Variants in LAMB2 observed in about 807,000 individuals in gnomAD.
The protein encoded by LAMB2 is laminin subunit beta-2.
A neutral mutation model predicts 202.7 loss-of-function variants in LAMB2; 119 were observed. The observed-to-expected ratio is 0.59, with a 90% confidence interval of 0.51 to 0.68. The LOEUF is 0.68. LAMB2 is among the 30% of genes least tolerant of loss of function. LAMB2 has a pLI of 0.00. For synonymous variants in LAMB2, 818 were observed against 902.2 expected (o/e 0.91, Z 1.67); for missense variants, 2,124 against 2,410.6 (o/e 0.88, Z 2.49).
Position 49,130,525 on chromosome 3 carries a change from G to A in LAMB2, c.1037-106C>T. ...TATCACAGGCCAGAATTTGTGGGTAGGGGCTCAGGGACTTCAAGGCCTCAG... is the reference window on the plus strand; with the variant it reads ...TATCACAGGCCAGAATTTGTGGGTAAGGGCTCAGGGACTTCAAGGCCTCAG... On this transcript the variant is annotated intron_variant, in intron 8 of 31. Transcript: ENST00000305544. The surrounding 1 kb of genome is among the most constrained non-coding windows in gnomAD (Gnocchi z 5.0). 2 of 1,433,322 alleles carry A rather than the reference G, an allele frequency of 1.4e-6. No homozygotes were observed. The highest frequency in any genetic ancestry group is 2.0e-6 in the Non-Finnish European group (2 of 1,022,128). 88.8% of individuals were successfully genotyped at this position (1,433,322 alleles called of 1,614,324 possible).
intron 15 of LAMB2, among the ~76,000 whole-genome samples, 174 bp downstream of exon 15, chr3:49,128,284 C>A (rs1479834084): frequency 1.3e-5 from 2 of 152,230 alleles, no homozygotes; most frequent in African/African-American, 4.8e-5. Context: ...GATCTGTCTA[C>A]TTCCTTTCTG....
At position 49,128,726 on chromosome 3, in the gene LAMB2, C is replaced by G. The variant is rs888403715; in HGVS notation, c.1825G>C (p.Glu609Gln). 1.2e-6 allele frequency: 2 copies of G among 1,614,152 alleles called. No individual in the cohort carries two copies. The highest frequency in any genetic ancestry group is 1.7e-6 in the Non-Finnish European group (2 of 1,180,034). ...FVRLQEGQTL[E>Q]FLVASVPKAM... Reference sequence around the variant, plus strand: ...TTCGGCACAGAGGCCACCAGGAACTCCAGGGTCTGACCTTCCTGTAGCCGC... The same window carrying G: ...TTCGGCACAGAGGCCACCAGGAACTGCAGGGTCTGACCTTCCTGTAGCCGC... Residue 609 changes from glutamate (E) to glutamine (Q), a missense_variant, in exon 14 of 32, where the codon GAG becomes CAG. Glu to Gln is a conservative substitution (Grantham distance 29, BLOSUM62 2). Transcript: ENST00000305544.
At position 49,121,681 on chromosome 3, in the gene LAMB2, C is replaced by T. The variant is rs757083445; in HGVS notation, c.5100+3G>A. The T allele has an allele frequency of 1.2e-6, 2 of 1,614,128 alleles. No individual in the cohort carries two copies. Among genetic ancestry groups the T allele is most frequent in the Non-Finnish European group, 1.7e-6 (2 of 1,180,052 alleles). On this transcript the variant is annotated splice_donor_region_variant and intron_variant, in intron 30 of 31. Transcript: ENST00000305544. Reference sequence around the variant, plus strand: ...TTCTCCAGCTGGCTCTGCCTCAACCCACCTGCTCAGCCTCCTGGGCACGAC... The same window carrying T: ...TTCTCCAGCTGGCTCTGCCTCAACCTACCTGCTCAGCCTCCTGGGCACGAC...
At position 49,122,335 on chromosome 3, in the gene LAMB2, C is replaced by G; in HGVS notation, c.4609G>C (p.Ala1537Pro). The G allele has an allele frequency of 6.2e-7, 1 of 1,613,444 alleles. No individual in the cohort carries two copies. Among genetic ancestry groups the G allele is most frequent in the Non-Finnish European group, 8.5e-7 (1 of 1,180,000 alleles). Residue 1537 changes from alanine (A) to proline (P), a missense_variant, in exon 28 of 32, where the codon GCC becomes CCC. Physicochemically the swap from Ala to Pro is conservative, Grantham distance 27. This residue lies in a region of LAMB2 where 1,702 missense variants were observed against 1,896.3 expected (regional missense o/e 0.90). Transcript: ENST00000305544. Reference protein sequence around the residue: ...GADPDSIEMVATRVLELSIPA... With the variant: ...GADPDSIEMVPTRVLELSIPA... ...ATGGAGAGCTCTAGCACCCGTGTGG[C>G]CACCATTTCAATGCTATCAGGATCA... is the stretch of plus-strand genomic sequence containing the variant.
Position 49,128,787 on chromosome 3 carries a change from G to T in LAMB2, c.1764C>A (p.Pro588=). 1 of 1,613,754 alleles carries T rather than the reference G, an allele frequency of 6.2e-7. No individual in the cohort carries two copies. Among genetic ancestry groups the T allele is most frequent in the Non-Finnish European group, 8.5e-7 (1 of 1,179,770 alleles). The change falls in exon 14 of 32, where the codon CCC becomes CCA. Residue 588 remains proline, a synonymous_variant. Coordinates refer to ENST00000305544, the MANE Select transcript of LAMB2 (RefSeq NM_002292.4). ...VLDVVERLVT[P]GETPSWTGSG... ...AGCCAGTCCAGGATGGAGTTTCCCC[G>T]GGGGTCACCAGGCGCTCCACCACAT...
chr3:49,131,186 C>G lies in LAMB2; in HGVS notation c.713-34G>C. 1 of 1,599,738 alleles carries G rather than the reference C, an allele frequency of 6.3e-7. No individual in the cohort carries two copies. Among genetic ancestry groups the G allele is most frequent in the East Asian group, 2.2e-5 (1 of 44,792 alleles). ...GGGGAAGGGGGGCCAACTGACCAGG[C>G]AGGCCCTTGCTGCCCCATGTCCACC... On this transcript the variant is annotated intron_variant, in intron 6 of 31. Transcript: ENST00000305544. The surrounding 1 kb of genome is among the most constrained non-coding windows in gnomAD (Gnocchi z 5.0).
chr3:49,122,971 G>T lies in LAMB2; in HGVS notation c.4306C>A (p.Arg1436Ser). 1 of 1,608,786 alleles carries T rather than the reference G, an allele frequency of 6.2e-7. No homozygotes were observed. ...AGCRDEDGQP[R>S]CGGLSCNGAA... ...CCATTGCAGCTGAGGCCCCCACAGC[G>T]CGGCTGCCCATCCTCATCTCGACAG... The change falls in exon 27 of 32, where the codon CGC (arginine) becomes AGC (serine). Residue 1436 changes from arginine (R) to serine (S), a missense_variant. This residue lies in a region of LAMB2 where 1,702 missense variants were observed against 1,896.3 expected (regional missense o/e 0.90). Transcript: ENST00000305544.
chr3:49,123,519 T>G lies in LAMB2; in HGVS notation c.3910A>C (p.Arg1304=). 6.2e-7 allele frequency: 1 copy of G among 1,614,216 alleles called. No individual in the cohort carries two copies. The change falls in exon 25 of 32, where the codon AGG becomes CGG. Residue 1304 remains arginine (R), a synonymous_variant. Coordinates refer to ENST00000305544, the MANE Select transcript of LAMB2 (RefSeq NM_002292.4). ...CGCAGTGTGAGATTAAGTGCAAGCC[T>G]ATCTCGCTCCAGACCACTTAGTGCA... The part of the protein sequence containing the change: ...NHALSGLERD[R]LALNLTLRQL...
chr3:49,131,198 G>A lies in LAMB2; in HGVS notation c.713-46C>T, dbSNP rs755630013. On this transcript the variant is annotated intron_variant, in intron 6 of 31. Coordinates refer to ENST00000305544, the MANE Select transcript of LAMB2 (RefSeq NM_002292.4). This position sits in a 1 kb window ranked among gnomAD's most constrained non-coding sequence, Gnocchi z 5.0. Reference sequence around the variant, plus strand: ...CCAACTGACCAGGCAGGCCCTTGCTGCCCCATGTCCACCCAGGGGCTCAGC... The same window carrying A: ...CCAACTGACCAGGCAGGCCCTTGCTACCCCATGTCCACCCAGGGGCTCAGC... The A allele has an allele frequency of 1.9e-6, 3 of 1,583,120 alleles. No homozygotes were observed. In the Admixed American group the frequency reaches 5.0e-5, roughly 27 times the overall value.
intron 15 of LAMB2, among the ~76,000 whole-genome samples, chr3:49,128,011 T>A (rs1205299982): frequency 1.6e-4 from 16 of 100,394 alleles, no homozygotes; most frequent in Admixed American, 6.3e-4. Context: ...AGAGCGAGAC[T>A]CCGTCTCAAA....
In LAMB2 at chr3:49,131,494, A is replaced by G; in HGVS notation, c.648+41T>C. 6.2e-7 allele frequency: 1 copy of G among 1,613,876 alleles called. No homozygotes were observed. Among genetic ancestry groups the G allele is most frequent in the Non-Finnish European group, 8.5e-7 (1 of 1,179,862 alleles). On this transcript the variant is annotated intron_variant, in intron 5 of 31. Coordinates refer to ENST00000305544, the MANE Select transcript of LAMB2 (RefSeq NM_002292.4). This position sits in a 1 kb window ranked among gnomAD's most constrained non-coding sequence, Gnocchi z 5.0. The stretch of plus-strand genomic sequence containing the variant: ...CACTGGACCTTGCCTCAGGCCCATC[A>G]TCCCCAGCTTCCAGCCCCCAGCCCA...
Position 49,129,409 on chromosome 3 carries a change from G to A in LAMB2, c.1519-85C>T, listed in dbSNP as rs910322009. On this transcript the variant is annotated intron_variant, in intron 11 of 31. Coordinates refer to ENST00000305544, the MANE Select transcript of LAMB2 (RefSeq NM_002292.4). This position sits in a 1 kb window ranked among gnomAD's most constrained non-coding sequence, Gnocchi z 6.1. ...CAGGAAATCCCAACCACACGTCTTAGCCTCAATCACCCCTCAGTGAAAACA... is the reference window on the plus strand; with the variant it reads ...CAGGAAATCCCAACCACACGTCTTAACCTCAATCACCCCTCAGTGAAAACA... 1 of 1,272,630 alleles carries A rather than the reference G, an allele frequency of 7.9e-7. No homozygotes were observed. Among genetic ancestry groups the A allele is most frequent in the African/African-American group, 1.5e-5 (1 of 67,784 alleles). 78.8% of individuals were successfully genotyped at this position (1,272,630 alleles called of 1,614,324 possible). A position where few individuals can be genotyped will look rare whatever the true frequency, so the allele number is the denominator to read the frequency against.
In LAMB2 at chr3:49,130,676, G is replaced by C; in HGVS notation, c.1036+64C>G. On this transcript the variant is annotated intron_variant, in intron 8 of 31. Transcript: ENST00000305544. The surrounding 1 kb of genome is among the most constrained non-coding windows in gnomAD (Gnocchi z 5.0). ...TAGGGGCTTGACCAACTAGCTCTAG[G>C]TTCTACCCAGGGCACAGCCAGGCTG... The C allele has an allele frequency of 6.2e-7, 1 of 1,608,778 alleles. No homozygotes were observed. The highest frequency in any genetic ancestry group is 8.5e-7 in the Non-Finnish European group (1 of 1,179,114).
chr3:49,123,591 C>G lies in LAMB2; in HGVS notation c.3838G>C (p.Glu1280Gln). ...TCTTGCACATCTGTCAGGTCTGCCTCGAGCTGAGTCAGGTGCTCAGTGGCC... is the reference window on the plus strand; with the variant it reads ...TCTTGCACATCTGTCAGGTCTGCCTGGAGCTGAGTCAGGTGCTCAGTGGCC... Reference protein sequence around the residue: ...GEATEHLTQLEADLTDVQDEN... With the variant: ...GEATEHLTQLQADLTDVQDEN... Residue 1280 changes from glutamate to glutamine, a missense_variant, in exon 25 of 32, where the codon GAG (glutamate) becomes CAG (glutamine). Glu to Gln is a conservative substitution (Grantham distance 29). This residue lies in a region of LAMB2 where 1,702 missense variants were observed against 1,896.3 expected (regional missense o/e 0.90). Transcript: ENST00000305544. The G allele has an allele frequency of 1.2e-6, 2 of 1,614,190 alleles. No homozygotes were observed. The highest frequency in any genetic ancestry group is 1.7e-6 in the Non-Finnish European group (2 of 1,180,042).
In LAMB2 at chr3:49,125,283, C is replaced by A. The variant is rs375392013; in HGVS notation, c.2690G>T (p.Arg897Leu). The A allele has an allele frequency of 1.2e-6, 2 of 1,613,944 alleles. No homozygotes were observed. Among genetic ancestry groups the A allele is most frequent in the African/African-American group, 1.3e-5 (1 of 75,070 alleles). The change falls in exon 19 of 32, where the codon CGT becomes CTT. Residue 897 changes from arginine (R) to leucine (L), a missense_variant. By Grantham distance (102) the Arg-to-Leu change is moderately radical. This residue lies in a region of LAMB2 where 1,702 missense variants were observed against 1,896.3 expected (regional missense o/e 0.90). Transcript: ENST00000305544. ...ACAGTGCTCACCCCCTGTGTGATCA[C>A]GGCAGCCCAGGCAAGCGCCTGTGTG... is the stretch of plus-strand genomic sequence containing the variant. ...NTHTGACLGC[R>L]DHTGGEHCER...
At chr3:49,127,803 A>C (rs1444414014) in intron 15 of LAMB2, among the ~76,000 whole-genome samples, 1 of 151,938 alleles carries the variant, frequency 6.6e-6, no homozygotes, top group Non-Finnish European at 1.5e-5. Context: ...GGCAGATCAC[A>C]AGGTCAGAAG....
At position 49,131,997 on chromosome 3, in the gene LAMB2, G is replaced by A; in HGVS notation, c.459+119C>T. ...TGGAGGCAAATGGAAGGTGTGAAGG[G>A]ATGAAGGAGCCTCCTGCATCCATGC... On this transcript the variant is annotated intron_variant, in intron 4 of 31. Coordinates refer to ENST00000305544, the MANE Select transcript of LAMB2 (RefSeq NM_002292.4). This position sits in a 1 kb window ranked among gnomAD's most constrained non-coding sequence, Gnocchi z 5.0. 9.7e-7 allele frequency: 1 copy of A among 1,028,808 alleles called. No homozygotes were observed. Among genetic ancestry groups the A allele is most frequent in the Non-Finnish European group, 1.5e-6 (1 of 655,200 alleles). The allele number at this position is 1,028,808 out of a possible 1,614,324, so 63.7% of individuals were successfully genotyped here.
rs775511182 is a variant in LAMB2 at position 49,126,127 on chromosome 3, C to T, written c.2184G>A (p.Glu728=). Reference sequence around the variant, plus strand: ...CAGCAGCATCACCCCCACTAAACATCTCTAGCACCAGGACACGGGGCAGCA... The same window carrying T: ...CAGCAGCATCACCCCCACTAAACATTTCTAGCACCAGGACACGGGGCAGCA... ...LVLLPRVLVL[E]MFSGGDAAAL... The change falls in exon 17 of 32, where the codon GAG becomes GAA. Residue 728 remains glutamate, a synonymous_variant. Coordinates refer to ENST00000305544, the MANE Select transcript of LAMB2 (RefSeq NM_002292.4). 5.0e-6 allele frequency: 8 copies of T among 1,613,346 alleles called. No individual in the cohort carries two copies. The highest frequency in any genetic ancestry group is 3.3e-4 in the Middle Eastern group (2 of 6,082).
In LAMB2 at chr3:49,130,337, C is replaced by T; in HGVS notation, c.1119G>A (p.Val373=). The T allele has an allele frequency of 6.2e-7, 1 of 1,614,188 alleles. No individual in the cohort carries two copies. Among genetic ancestry groups the T allele is most frequent in the Non-Finnish European group, 8.5e-7 (1 of 1,180,038 alleles). ...CTGTGTTATGCTGACATCCATCACA[C>T]ACACCTCCACTCACATTGCCAGATG... The part of the protein sequence containing the change: ...YLASGNVSGG[V]CDGCQHNTAG... The change falls in exon 9 of 32, where the codon GTG becomes GTA. Residue 373 remains valine (V), a synonymous_variant. Transcript: ENST00000305544. The surrounding 1 kb of genome is among the most constrained non-coding windows in gnomAD (Gnocchi z 5.0).
Sources: gnomAD v4.1 joint callset for allele counts (sites outside exome capture counted in the v4.1 genomes callset) on GRCh38, gnomAD v4.1.1 for gene constraint, gnomAD v4.1.1 regional missense constraint, Gnocchi (gnomAD v3.1) non-coding constraint, MANE v1.5 for transcripts, NCBI Gene and HGNC (gene_info 2026-07-23, HGNC 2026-07-21) for gene names.